Variants in NFIB observed in about 807,000 individuals in gnomAD.
NFIB encodes nuclear factor I B, also known as nuclear factor 1 B-type.
Under a neutral mutation model 61.5 loss-of-function variants are expected in NFIB, and 11 were observed. The observed-to-expected ratio is 0.18, with a 90% CI of 0.11 to 0.30. The LOEUF is 0.30. Ranked by LOEUF, NFIB falls within the 10% of genes least tolerant of loss-of-function variation. The pLI, the probability that NFIB is intolerant of heterozygous loss-of-function variation, is 1.00. For missense variants in NFIB, 471 were observed against 608.9 expected, an observed-to-expected ratio of 0.77 and a Z score of 2.38; for synonymous variants, 260 against 216.5, an observed-to-expected ratio of 1.20 and a Z score of -1.76.
At chr9:14,112,877 G>T (rs907760661) in intron 10 of NFIB, 122 bp downstream of exon 10, 8 of 753,618 alleles carry the variant, frequency 1.1e-5, no homozygotes, top group African/African-American at 3.6e-5. Context: ...GAAATGAAAT[G>T]ATCAGTTTTG....
intron 2 of NFIB, among the ~76,000 whole-genome samples, chr9:14,283,543 G>T (rs1284350826): frequency 6.6e-6 from 1 of 152,200 alleles, no homozygotes; most frequent in Non-Finnish European, 1.5e-5. Flanking sequence ...TAATGTCCTT[G>T]AGGACAATGG....
At chr9:14,264,119 C>T (rs1200647475) in intron 2 of NFIB, among the ~76,000 whole-genome samples, 3 of 151,858 alleles carry the variant, frequency 2.0e-5, no homozygotes, top group Non-Finnish European at 2.9e-5. Flanking sequence ...GACTTCTGGC[C>T]TCAGGGAAAC....
chr9:14,120,390 T>C lies in NFIB; in HGVS notation c.1245+50A>G, dbSNP rs561402171. The C allele has an allele frequency of 6.4e-7, 1 of 1,573,536 alleles. No individual in the cohort carries two copies. Among genetic ancestry groups the C allele is most frequent in the East Asian group, 2.2e-5 (1 of 44,686 alleles). On this transcript the variant is annotated intron_variant, in intron 8 of 10. Transcript: ENST00000380953. The surrounding 1 kb of genome is among the most constrained non-coding windows in gnomAD (Gnocchi z 4.4). The stretch of plus-strand genomic sequence containing the variant: ...CTAACCTTTGTGTCTCAGAATTAGA[T>C]CTGTCCCATCTCCCTTAGGTGCTAA...
intron 1 of NFIB, among the ~76,000 whole-genome samples, chr9:14,325,888 T>C (rs530067035): frequency 6.6e-6 from 1 of 152,166 alleles, no homozygotes; most frequent in Non-Finnish European, 1.5e-5. Context: ...ATAAACACAT[T>C]CTTTTAAAAC....
At chr9:14,242,873 A>G (rs531223400) in intron 2 of NFIB, among the ~76,000 whole-genome samples, 6 of 152,228 alleles carry the variant, frequency 3.9e-5, no homozygotes, top group Non-Finnish European at 5.9e-5. Flanking sequence ...GTGATTTGAA[A>G]TGTACTTTCA....
intron 2 of NFIB, among the ~76,000 whole-genome samples, chr9:14,274,495 TTTTG>T (rs1206621004): frequency 6.6e-6 from 1 of 152,152 alleles, no homozygotes; most frequent in Non-Finnish European, 1.5e-5. Context: ...TCTTTGTCGT[TTTTG>T]TTTTTCTAAT....
chr9:14,478,341 C>A, the NFIB span, among the ~76,000 whole-genome samples: 1 of 152,166 alleles, frequency 6.6e-6, no homozygotes, highest in Admixed American at 6.5e-5. Flanking sequence ...CTCACCTTCT[C>A]TCTCTCTCCT....
intron 2 of NFIB, among the ~76,000 whole-genome samples, chr9:14,275,263 T>C (rs1466227144): frequency 6.6e-6 from 1 of 152,188 alleles, no homozygotes; most frequent in Non-Finnish European, 1.5e-5. Context: ...CATATTTAAA[T>C]GAGTAACTTA....
chr9:14,166,889 C>T (rs187642636), intron 3 of NFIB, among the ~76,000 whole-genome samples: 1 of 152,322 alleles, frequency 6.6e-6, no homozygotes, highest in African/African-American at 2.4e-5. Flanking sequence ...CCTCATCTCA[C>T]AGAATACCGC....
intron 10 of NFIB, chr9:14,094,311 A>C (rs1301826596): frequency 2.0e-5 from 3 of 152,108 alleles, no homozygotes; most frequent in Non-Finnish European, 4.4e-5. Flanking sequence ...ATAATTCTTG[A>C]GCCCAAAATT....
At chr9:14,448,889 A>G in the NFIB span, among the ~76,000 whole-genome samples, 1 of 152,318 alleles carries the variant, frequency 6.6e-6, no homozygotes, top group East Asian at 1.9e-4. Context: ...TAAATCTTGC[A>G]TAAGTGAGGA....
At chr9:14,324,024 A>G (rs563927209) in intron 1 of NFIB, among the ~76,000 whole-genome samples, 39 of 152,358 alleles carry the variant, frequency 2.6e-4, no homozygotes, top group African/African-American at 8.2e-4. Context: ...AAAAATTAGC[A>G]TATACAGCTT....
chr9:14,258,360 T>C (rs141219919), intron 2 of NFIB, among the ~76,000 whole-genome samples: 28 of 152,352 alleles, frequency 1.8e-4, no homozygotes, highest in African/African-American at 6.3e-4. Context: ...CAGCATGTTG[T>C]CTAAGTATCT....
At chr9:14,168,782 A>G (rs780550754) in intron 3 of NFIB, among the ~76,000 whole-genome samples, 2 of 152,228 alleles carry the variant, frequency 1.3e-5, no homozygotes, top group Non-Finnish European at 2.9e-5. Context: ...ATTAAGATTC[A>G]GCATCAATTA....
At chr9:14,319,306 G>A (rs115833765) in intron 1 of NFIB, among the ~76,000 whole-genome samples, 11 of 152,204 alleles carry the variant, frequency 7.2e-5, no homozygotes, top group African/African-American at 2.6e-4. Flanking sequence ...AAGGTTATCC[G>A]GTTTTCACTT....
chr9:14,251,013 T>C (rs1165251277), intron 2 of NFIB, among the ~76,000 whole-genome samples: 1 of 152,238 alleles, frequency 6.6e-6, no homozygotes, highest in Non-Finnish European at 1.5e-5. Context: ...TTAGGTGATG[T>C]CTATTCCTGA....
intron 3 of NFIB, among the ~76,000 whole-genome samples, chr9:14,178,820 G>C (rs1219432057): frequency 6.6e-6 from 1 of 152,056 alleles, no homozygotes; most frequent in Non-Finnish European, 1.5e-5. Context: ...AAACGATGGA[G>C]GACCTAAAAA....
At chr9:14,469,508 A>G in the NFIB span, among the ~76,000 whole-genome samples, 1 of 152,080 alleles carries the variant, frequency 6.6e-6, no homozygotes, top group Admixed American at 6.5e-5. Flanking sequence ...CTCCCTTCCA[A>G]ATTTGGAAAT....
the NFIB span, among the ~76,000 whole-genome samples, chr9:14,465,912 C>T: frequency 1.3e-5 from 2 of 152,290 alleles, no homozygotes; most frequent in African/African-American, 2.4e-5. Flanking sequence ...TGTGTCCAGA[C>T]AGTGCCAAAT....
Sources: gnomAD v4.1 joint callset for allele counts (sites outside exome capture counted in the v4.1 genomes callset) on GRCh38, gnomAD v4.1.1 for gene constraint, Gnocchi (gnomAD v3.1) non-coding constraint, MANE v1.5 for transcripts, NCBI Gene and HGNC (gene_info 2026-07-23, HGNC 2026-07-21) for gene names.